Variants in PTPN13 observed in about 807,000 individuals in gnomAD.
The protein encoded by PTPN13 is protein tyrosine phosphatase non-receptor type 13.
PTPN13 carries 191 observed loss-of-function variants against 284.0 expected under a neutral mutation model. The ratio of observed to expected loss-of-function variants is 0.67; its 90% confidence interval spans 0.60 to 0.76. PTPN13 has a LOEUF of 0.76. Among genes scored for constraint, PTPN13 ranks in the 30% least tolerant of loss-of-function variants. The pLI, the probability that PTPN13 is intolerant of heterozygous loss-of-function variation, is 0.00. For synonymous variants in PTPN13, 986 were observed against 1,022.3 expected, an observed-to-expected ratio of 0.96 and a Z score of 0.68; for missense variants, 2,797 against 2,939.9, an observed-to-expected ratio of 0.95 and a Z score of 1.12.
At chr4:86,799,064 A>C (rs1743678804) in intron 41 of PTPN13, 37 bp from the exon 42 acceptor site, 1 of 1,282,988 alleles carries the variant, frequency 7.8e-7, no homozygotes, top group South Asian at 1.4e-5. Context: ...GAGTACAAAA[A>C]TGAAGAAAAT....
rs199701033 is a variant in PTPN13, at chr4:86,710,933, G to GT, written c.1196-5588dup. On this transcript the variant is annotated intron_variant, in intron 7 of 47. Transcript: ENST00000411767. ...CCAAATCTTAATTCTTTGTTTTTTG[G>GT]TTTTTTTTTGAGAGAGGGTCTCGCT... Among the ~76,000 whole-genome samples, 888 of 149,708 alleles carry GT rather than the reference G, an allele frequency of 5.9e-3. 9 individuals carry two copies. Among genetic ancestry groups the GT allele is most frequent in the African/African-American group, 0.02 (800 of 40,826 alleles).
At chr4:86,606,467 G>T (rs1382057056) in intron 1 of PTPN13, among the ~76,000 whole-genome samples, 1 of 151,724 alleles carries the variant, frequency 6.6e-6, no homozygotes, top group African/African-American at 2.4e-5. Context: ...TTAATTGTAA[G>T]TGCTTTCCAC....
In PTPN13 at chr4:86,771,243, C is replaced by G; in HGVS notation, c.4876C>G (p.Gln1626Glu). 6.2e-7 allele frequency: 1 copy of G among 1,610,482 alleles called. No individual in the cohort carries two copies. Among genetic ancestry groups the G allele is most frequent in the Non-Finnish European group, 8.5e-7 (1 of 1,178,364 alleles). ...KDSSQPSCVE[Q>E]STSSDENEMS... ...CTCTTCTCAGCCATCATGTGTGGAG[C>G]AAAGCACCAGCTCAGATGAAAATGA... The change falls in exon 31 of 48, where the codon CAA (glutamine) becomes GAA (glutamate). Residue 1626 changes from glutamine to glutamate, a missense_variant. Physicochemically the swap from Gln to Glu is conservative, Grantham distance 29. Coordinates refer to ENST00000411767, the MANE Select transcript of PTPN13 (RefSeq NM_080683.3).
Position 86,751,103 on chromosome 4 carries a change from C to G in PTPN13, c.3145C>G (p.Pro1049Ala), listed in dbSNP as rs778780024. Residue 1049 changes from proline to alanine, a missense_variant, in exon 19 of 48, where the codon CCT (proline) becomes GCT (alanine). Coordinates refer to ENST00000411767, the MANE Select transcript of PTPN13 (RefSeq NM_080683.3). ...ATCAGACTCCTCATCCATTGAAGAC[C>G]CTGGGCAAGCATATGTTCTAGGTCA... Reference protein sequence around the residue: ...HESDSSSIEDPGQAYVLGMTM... With the variant: ...HESDSSSIEDAGQAYVLGMTM... 2 of 1,600,822 alleles carry G rather than the reference C, an allele frequency of 1.2e-6. No individual in the cohort carries two copies. The highest frequency in any genetic ancestry group is 2.2e-5 in the South Asian group (2 of 90,498).
In PTPN13 at chr4:86,779,458, G is replaced by A. The variant is rs1286843781; in HGVS notation, c.5892-944G>A. ...ATGATGTATGTGGGCCTGTGGATTT[G>A]TACACATGCAATAGGTTGTATTATA... On this transcript the variant is annotated intron_variant, in intron 35 of 47. Coordinates refer to ENST00000411767, the MANE Select transcript of PTPN13 (RefSeq NM_080683.3). Among the ~76,000 whole-genome samples the A allele has an allele frequency of 2.0e-5, 3 of 151,842 alleles. 1 individual carries two copies. The highest frequency in any genetic ancestry group is 2.0e-4 in the Admixed American group (3 of 15,256).
At chr4:86,746,483 A>G (rs1274090964) in intron 17 of PTPN13, among the ~76,000 whole-genome samples, 4 of 151,962 alleles carry the variant, frequency 2.6e-5, no homozygotes, top group African/African-American at 9.7e-5. Flanking sequence ...ATGTTTCTCA[A>G]CCTTTCAGAA....
chr4:86,787,076 C>A (rs1471976152), intron 40 of PTPN13, among the ~76,000 whole-genome samples: 1 of 151,510 alleles, frequency 6.6e-6, no homozygotes, highest in Non-Finnish European at 1.5e-5. Context: ...TGCACTCCAG[C>A]CTGGGCAATG....
Position 86,763,013 on chromosome 4 carries a change from C to T in PTPN13, c.3840C>T (p.Gly1280=), listed in dbSNP as rs1738879585. 3.7e-6 allele frequency: 6 copies of T among 1,613,838 alleles called. No homozygotes were observed. The highest frequency in any genetic ancestry group is 5.1e-6 in the Non-Finnish European group (6 of 1,179,848). The change falls in exon 24 of 48, where the codon GGC becomes GGT. Residue 1280 remains glycine, a synonymous_variant. Transcript: ENST00000411767. ...AAACCTGGCAGGAATCACAGCATGG[C>T]AGCCCTTCCCCATCTGTAATATCCA... The part of the protein sequence containing the change: ...GDQTWQESQH[G]SPSPSVISKA...
rs563203376 is a variant in PTPN13 at position 86,661,008 on chromosome 4, A to T, written c.116-11357A>T. The T allele has an allele frequency of 4.8e-4, 181 of 376,380 alleles. 3 individuals are homozygous for T. The highest frequency in any genetic ancestry group is 3.4e-3 in the South Asian group (179 of 52,096). The allele number at this position is 376,380 out of a possible 1,614,324, so 23.3% of individuals were successfully genotyped here. On this transcript the variant is annotated intron_variant, in intron 2 of 47. Coordinates refer to ENST00000411767, the MANE Select transcript of PTPN13 (RefSeq NM_080683.3). ...CTTAACAGAGACTTTATTATTGTTG[A>T]GGTATAACATATATTGCAAACAGCA...
At chr4:86,633,962 T>G (rs980324136) in intron 1 of PTPN13, among the ~76,000 whole-genome samples, 5 of 152,198 alleles carry the variant, frequency 3.3e-5, no homozygotes, top group Admixed American at 6.5e-5. Context: ...CTTTTAACTT[T>G]CACATTGTGT....
chr4:86,741,552 C>T lies in PTPN13; in HGVS notation c.2305-82C>T. On this transcript the variant is annotated intron_variant, in intron 15 of 47. Coordinates refer to ENST00000411767, the MANE Select transcript of PTPN13 (RefSeq NM_080683.3). Reference sequence around the variant, plus strand: ...AGATGAGATTTGTGGGGGGACACGGCCAAACCATATCATACAGCTTCAATA... The same window carrying T: ...AGATGAGATTTGTGGGGGGACACGGTCAAACCATATCATACAGCTTCAATA... 5 of 1,306,194 alleles carry T rather than the reference C, an allele frequency of 3.8e-6. No homozygotes were observed. The South Asian group carries it at 5.9e-5, about 15-fold the overall frequency. 80.9% of individuals were successfully genotyped at this position (1,306,194 alleles called of 1,614,324 possible).
chr4:86,777,095 A>T (rs972701700), intron 35 of PTPN13, among the ~76,000 whole-genome samples: 1 of 152,254 alleles, frequency 6.6e-6, no homozygotes, highest in African/African-American at 2.4e-5. Flanking sequence ...AAACAGATTG[A>T]GAAAATGTAT....
At chr4:86,813,437 T>TTTGGTTTG (rs577203685) in intron 47 of PTPN13, among the ~76,000 whole-genome samples, 161 of 152,308 alleles carry the variant, frequency 1.1e-3, no homozygotes, top group African/African-American at 3.8e-3. Flanking sequence ...AGACTTATTT[T>TTTGGTTTG]TTGGTTTGTT....
At position 86,767,984 on chromosome 4, in the gene PTPN13, C is replaced by G. The variant is rs779651480; in HGVS notation, c.4489+8C>G. ...ACAGCTTTGTCACTGAAGGTCAGGC[C>G]TTGGGAGACTACAATCTCACCTTTA... On this transcript the variant is annotated splice_region_variant and intron_variant, in intron 28 of 47. Coordinates refer to ENST00000411767, the MANE Select transcript of PTPN13 (RefSeq NM_080683.3). The G allele has an allele frequency of 2.5e-6, 4 of 1,599,498 alleles. No homozygotes were observed. In the South Asian group the frequency reaches 4.6e-5, roughly 18 times the overall value.
chr4:86,747,163 A>G (rs1404456080), intron 17 of PTPN13, among the ~76,000 whole-genome samples: 2 of 152,222 alleles, frequency 1.3e-5, no homozygotes, highest in Non-Finnish European at 2.9e-5. Flanking sequence ...CATCCTCAAC[A>G]TTTCTTATAC....
chr4:86,762,805 T>C lies in PTPN13; in HGVS notation c.3632T>C (p.Ile1211Thr). ...KKSSYMQDSA[I>T]DSSSKDHHWS... Reference sequence around the variant, plus strand: ...TCTTCCTACATGCAAGACAGTGCTATAGATTCTTCTTCCAAGGATCACCAC... The same window carrying C: ...TCTTCCTACATGCAAGACAGTGCTACAGATTCTTCTTCCAAGGATCACCAC... Residue 1211 changes from isoleucine (I) to threonine (T), a missense_variant, in exon 24 of 48, where the codon ATA (isoleucine) becomes ACA (threonine). Physicochemically the swap from Ile to Thr is moderately conservative, Grantham distance 89 (BLOSUM62 -1). Transcript: ENST00000411767. 6.2e-7 allele frequency: 1 copy of C among 1,613,842 alleles called. No individual in the cohort carries two copies. Among genetic ancestry groups the C allele is most frequent in the Admixed American group, 1.7e-5 (1 of 60,026 alleles).
At chr4:86,814,333 T>C in intron 47 of PTPN13, 123 bp from the exon 48 acceptor site, 1 of 651,574 alleles carries the variant, frequency 1.5e-6, no homozygotes, top group Non-Finnish European at 2.5e-6. Context: ...TTCAACATTC[T>C]AACAAAATTT....
intron 1 of PTPN13, among the ~76,000 whole-genome samples, chr4:86,606,748 C>T (rs375758328): frequency 7.2e-5 from 11 of 151,770 alleles, no homozygotes; most frequent in African/African-American, 2.4e-4. Context: ...AATGAAACTC[C>T]TTGACTCTAC....
At chr4:86,612,094 A>G (rs1719960801) in intron 1 of PTPN13, among the ~76,000 whole-genome samples, 1 of 152,204 alleles carries the variant, frequency 6.6e-6, no homozygotes, top group Non-Finnish European at 1.5e-5. Context: ...AGTCCAACAA[A>G]TCTTTAAAAT....
Sources: allele counts gnomAD v4.1 joint callset (sites outside exome capture counted in the v4.1 genomes callset), GRCh38; gene constraint gnomAD v4.1.1; transcripts MANE v1.5; gene names NCBI Gene and HGNC (gene_info 2026-07-23, HGNC 2026-07-21).